Variants in CSTF3 observed in about 807,000 individuals in gnomAD.
CSTF3 encodes CF-1 77 kDa subunit.
In CSTF3, 29 loss-of-function variants were observed where a neutral mutation model predicts 105.8. The observed-to-expected ratio is 0.27, with a 90% CI of 0.20 to 0.37. CSTF3 has a LOEUF of 0.37. CSTF3 is among the 10% of genes least tolerant of loss of function. The pLI is 1.00. For missense variants in CSTF3, 357 were observed against 879.3 expected, an observed-to-expected ratio of 0.41 and a Z score of 7.51; for synonymous variants, 252 against 281.9, an observed-to-expected ratio of 0.89 and a Z score of 1.06.
chr11:33,131,852 A>C (rs1185299384), intron 3 of CSTF3, among the ~76,000 whole-genome samples: 1 of 152,158 alleles, frequency 6.6e-6, no homozygotes, highest in African/African-American at 2.4e-5. Flanking sequence ...CGTCTCAAAA[A>C]AACAAAGATT....
chr11:33,140,995 A>T (rs1411572146), intron 3 of CSTF3: 2 of 152,048 alleles, frequency 1.3e-5, no homozygotes, highest in Non-Finnish European at 2.9e-5. Context: ...ATAATCATGA[A>T]TGGGGTCCTT....
intron 1 of CSTF3, among the ~76,000 whole-genome samples, chr11:33,142,337 ATATGAGT>A (rs1001539475): frequency 2.6e-4 from 9 of 35,112 alleles, no homozygotes; most frequent in Admixed American, 4.3e-4. Flanking sequence ...TATAATCTAG[ATATGAGT>A]TAAGTATTTG....
intron 1 of CSTF3, among the ~76,000 whole-genome samples, chr11:33,145,238 C>CTAACCTCA (rs1855766792): frequency 6.6e-6 from 1 of 151,836 alleles, no homozygotes; most frequent in Admixed American, 6.6e-5. Flanking sequence ...GAGTCTGAGA[C>CTAACCTCA]TAACCTCAGC....
chr11:33,146,088 A>T (rs11032170), intron 1 of CSTF3, among the ~76,000 whole-genome samples: 1 of 151,516 alleles, frequency 6.6e-6, no homozygotes, highest in African/African-American at 2.4e-5. Flanking sequence ...AAATACAAAA[A>T]TTAGCTGGGA....
chr11:33,141,788 A>AT, intron 2 of CSTF3, 26 bp from the exon 3 acceptor site: 1 of 1,583,408 alleles, frequency 6.3e-7, no homozygotes, highest in South Asian at 1.2e-5. Flanking sequence ...AATAAACAGC[A>AT]TTTACAATGT....
intron 1 of CSTF3, among the ~76,000 whole-genome samples, chr11:33,154,101 A>G (rs959852758): frequency 1.3e-5 from 2 of 152,198 alleles, no homozygotes; most frequent in Admixed American, 6.5e-5. Context: ...ACCAGCTATC[A>G]TCTAACTCTG....
At chr11:33,133,923 A>G (rs1855626043) in intron 3 of CSTF3, among the ~76,000 whole-genome samples, 1 of 152,244 alleles carries the variant, frequency 6.6e-6, no homozygotes, top group Non-Finnish European at 1.5e-5. Flanking sequence ...GAGTATTACC[A>G]TGACAAAAGT....
chr11:33,135,390 G>A (rs908878993), intron 3 of CSTF3, among the ~76,000 whole-genome samples: 12 of 152,154 alleles, frequency 7.9e-5, no homozygotes, highest in African/African-American at 2.9e-4. Flanking sequence ...ACAGCAGTAA[G>A]ATTCAATTAC....
intron 3 of CSTF3, among the ~76,000 whole-genome samples, chr11:33,136,742 C>T (rs1020579179): frequency 6.6e-6 from 1 of 151,868 alleles, no homozygotes; most frequent in African/African-American, 2.4e-5. Context: ...GAGGGGCTTA[C>T]ATGTTTGTGT....
intron 1 of CSTF3, among the ~76,000 whole-genome samples, chr11:33,144,632 G>C (rs1565018337): frequency 6.6e-6 from 1 of 152,276 alleles, no homozygotes; most frequent in East Asian, 1.9e-4. Flanking sequence ...ATAAACTTAA[G>C]AGAGATCAAA....
At chr11:33,130,723 G>A (rs992424534) in intron 3 of CSTF3, among the ~76,000 whole-genome samples, 15 of 152,186 alleles carry the variant, frequency 9.9e-5, no homozygotes, top group African/African-American at 3.6e-4. Context: ...AATGTGGAAT[G>A]TAAAAAAATA....
chr11:33,151,345 G>A (rs1855856799), intron 1 of CSTF3, among the ~76,000 whole-genome samples: 1 of 151,686 alleles, frequency 6.6e-6, no homozygotes, highest in South Asian at 2.1e-4. Flanking sequence ...GTGCCACCAT[G>A]CCCAGCTAAA....
At chr11:33,113,711 TA>T (rs1226787115) in intron 3 of CSTF3, among the ~76,000 whole-genome samples, 1 of 152,128 alleles carries the variant, frequency 6.6e-6, no homozygotes, top group African/African-American at 2.4e-5. Context: ...GTATGATAAT[TA>T]GAATAGCAAT....
chr11:33,108,015 A>G lies in CSTF3; in HGVS notation c.259-15T>C, dbSNP rs368678325. The G allele has an allele frequency of 1.5e-5, 22 of 1,483,788 alleles. No individual in the cohort carries two copies. Among genetic ancestry groups the G allele is most frequent in the African/African-American group, 8.4e-5 (6 of 71,420 alleles). The allele number at this position is 1,483,788 out of a possible 1,614,324, so 91.9% of individuals were successfully genotyped here. ...CTCTGAAATAGCTTTAAATACAAGA[A>G]TATATTATCAGAATCCAGTTAAATA... On this transcript the variant is annotated splice_polypyrimidine_tract_variant and intron_variant, in intron 4 of 20. Coordinates refer to ENST00000323959, the MANE Select transcript of CSTF3 (RefSeq NM_001326.3).
At chr11:33,113,688 T>A (rs1254301329) in intron 3 of CSTF3, among the ~76,000 whole-genome samples, 1 of 152,176 alleles carries the variant, frequency 6.6e-6, no homozygotes, top group African/African-American at 2.4e-5. Context: ...ACTTCCTTTT[T>A]TTTAATAGAA....
chr11:33,115,190 T>C (rs1855419195), intron 3 of CSTF3, among the ~76,000 whole-genome samples: 1 of 152,186 alleles, frequency 6.6e-6, no homozygotes, highest in Non-Finnish European at 1.5e-5. Flanking sequence ...CATCTTAAAC[T>C]GAATTTGAGA....
chr11:33,088,787 C>T (rs912007199), intron 17 of CSTF3, among the ~76,000 whole-genome samples: 5 of 151,428 alleles, frequency 3.3e-5, no homozygotes, highest in Admixed American at 2.0e-4. Context: ...TTGTATTTTT[C>T]TCTCTTTTTT....
chr11:33,095,475 G>C (rs1855210391), intron 15 of CSTF3, among the ~76,000 whole-genome samples: 1 of 152,156 alleles, frequency 6.6e-6, no homozygotes, highest in Non-Finnish European at 1.5e-5. Context: ...GTGCCTGGTA[G>C]GAACTCAATA....
At chr11:33,152,228 C>T (rs1849794026) in intron 1 of CSTF3, among the ~76,000 whole-genome samples, 1 of 152,026 alleles carries the variant, frequency 6.6e-6, no homozygotes, top group Non-Finnish European at 1.5e-5. Flanking sequence ...CCGCTGCACT[C>T]CAGCCTGGGC....
Sources: gnomAD v4.1 joint callset for allele counts (sites outside exome capture counted in the v4.1 genomes callset) on GRCh38, gnomAD v4.1.1 for gene constraint, MANE v1.5 for transcripts, NCBI Gene and HGNC (gene_info 2026-07-23, HGNC 2026-07-21) for gene names.